Variants in EDIL3 observed in about 807,000 individuals in gnomAD.
The protein encoded by EDIL3 is EGF like and discoidin domains 3, also known as EGF-like repeat and discoidin I-like domain-containing protein 3.
EDIL3 carries 37 observed loss-of-function variants against 67.4 expected under a neutral mutation model. The observed-to-expected ratio is 0.55, with a 90% CI of 0.42 to 0.72. The LOEUF is 0.72. Among genes scored for constraint, EDIL3 ranks in the 30% least tolerant of loss-of-function variants. The pLI is 0.00. For synonymous variants in EDIL3, 195 were observed against 196.3 expected, an observed-to-expected ratio of 0.99 and a Z score of 0.05; for missense variants, 527 against 586.3, an observed-to-expected ratio of 0.90 and a Z score of 1.04.
At chr5:84,132,751 G>T (rs1452731113) in intron 5 of EDIL3, among the ~76,000 whole-genome samples, 2 of 149,486 alleles carry the variant, frequency 1.3e-5, no homozygotes, top group African/African-American at 2.5e-5. Context: ...ATATTCATAG[G>T]TATTATTTTA....
At chr5:84,095,822 G>A (rs1183261535) in intron 6 of EDIL3, among the ~76,000 whole-genome samples, 3 of 152,144 alleles carry the variant, frequency 2.0e-5, no homozygotes, top group African/African-American at 4.8e-5. Context: ...GACAATGGGG[G>A]AATTGTCTCC....
intron 6 of EDIL3, among the ~76,000 whole-genome samples, chr5:84,103,011 C>G (rs1048059990): frequency 1.3e-5 from 2 of 151,944 alleles, no homozygotes; most frequent in African/African-American, 4.8e-5. Context: ...GATACTGATA[C>G]AAAAACAGAC....
At chr5:84,227,066 A>C (rs945745105) in intron 3 of EDIL3, among the ~76,000 whole-genome samples, 2 of 152,006 alleles carry the variant, frequency 1.3e-5, no homozygotes, top group African/African-American at 2.4e-5. Context: ...TGACTTAGTA[A>C]GGTGTGGGCA....
intron 5 of EDIL3, among the ~76,000 whole-genome samples, chr5:84,124,424 C>G (rs72776515): frequency 0.017 from 2,585 of 151,908 alleles, 34 homozygotes; most frequent in Non-Finnish European, 0.026. Flanking sequence ...CTTTTGTAAT[C>G]AGAAAACATG....
intron 9 of EDIL3, among the ~76,000 whole-genome samples, chr5:83,985,635 T>C (rs1341690238): frequency 6.6e-6 from 1 of 152,072 alleles, no homozygotes; most frequent in Non-Finnish European, 1.5e-5. Context: ...AACTTACCTT[T>C]GTAAAATAAG....
intron 6 of EDIL3, among the ~76,000 whole-genome samples, chr5:84,097,357 A>G (rs1477710266): frequency 6.6e-6 from 1 of 152,206 alleles, no homozygotes; most frequent in Non-Finnish European, 1.5e-5. Context: ...TATCATACAC[A>G]TCAAATATAT....
chr5:84,230,036 A>G, intron 2 of EDIL3, 152 bp from the exon 3 acceptor site: 2 of 637,372 alleles, frequency 3.1e-6, no homozygotes, highest in Non-Finnish European at 5.2e-6. Context: ...CTGACTTGTA[A>G]TTTTGTGTAT....
rs545084984 is a variant in EDIL3 at position 83,973,277 on chromosome 5, T to C, written c.1138-9917A>G. Among the ~76,000 whole-genome samples, 21 of 152,204 alleles carry C rather than the reference T, an allele frequency of 1.4e-4. No homozygotes were observed. In the South Asian group the frequency reaches 4.1e-3, roughly 30 times the overall value. ...ATTGATAGGGTCATTATTAATTGAT[T>C]AATGGAGATTTAATACAAGTTTTTG... On this transcript the variant is annotated intron_variant, in intron 9 of 10. Transcript: ENST00000296591.
intron 1 of EDIL3, among the ~76,000 whole-genome samples, chr5:84,326,943 T>TCC (rs764293421): frequency 3.2e-4 from 49 of 152,052 alleles, no homozygotes; most frequent in Non-Finnish European, 6.3e-4. Flanking sequence ...AGATGTACCC[T>TCC]CCTCTACTGC....
chr5:84,082,737 T>C (rs1292667230), intron 6 of EDIL3, among the ~76,000 whole-genome samples: 1 of 152,240 alleles, frequency 6.6e-6, no homozygotes, highest in Non-Finnish European at 1.5e-5. Flanking sequence ...ATTATGGTTT[T>C]TCTTGAGAAT....
chr5:84,111,406 C>G (rs1747562514), intron 5 of EDIL3, among the ~76,000 whole-genome samples: 3 of 152,102 alleles, frequency 2.0e-5, no homozygotes, highest in African/African-American at 7.2e-5. Flanking sequence ...TACGGATAGG[C>G]AAATTCTGTT....
chr5:84,337,037 A>C (rs1382246254), intron 1 of EDIL3, among the ~76,000 whole-genome samples: 1 of 152,168 alleles, frequency 6.6e-6, no homozygotes, highest in Non-Finnish European at 1.5e-5. Flanking sequence ...ACTGCACAAG[A>C]GTACACCAGG....
chr5:84,250,653 T>C (rs1312164364), intron 2 of EDIL3, among the ~76,000 whole-genome samples: 2 of 152,196 alleles, frequency 1.3e-5, no homozygotes, highest in South Asian at 2.1e-4. Context: ...TCTCTAAGCA[T>C]GCATTTGAAA....
At position 84,319,494 on chromosome 5, in the gene EDIL3, CAAAAAAAAAAA is replaced by C. The variant is rs55738450; in HGVS notation, c.67+64803_67+64813del. ...AAAAAAAACAAAAAACAAAAAACAA[CAAAAAAAAAAA>C]AAAAAAAAAAAAAAAAAAGAAATAG... On this transcript the variant is annotated intron_variant, in intron 1 of 10. Coordinates refer to ENST00000296591, the MANE Select transcript of EDIL3 (RefSeq NM_005711.5). 2.1e-4 allele frequency among the ~76,000 whole-genome samples: 9 copies of C among 42,838 alleles called. No homozygotes were observed. In the South Asian group the frequency reaches 4.1e-3, roughly 19 times the overall value. 28.1% of individuals were successfully genotyped at this position (42,838 alleles called of 152,430 possible). A position where few individuals can be genotyped will look rare whatever the true frequency, so the allele number is the denominator to read the frequency against.
intron 9 of EDIL3, among the ~76,000 whole-genome samples, chr5:84,017,457 AG>A (rs1482353211): frequency 1.3e-5 from 2 of 152,222 alleles, no homozygotes; most frequent in Non-Finnish European, 2.9e-5. Context: ...TGAATTTAAA[AG>A]TATCTTTCAT....
intron 6 of EDIL3, among the ~76,000 whole-genome samples, chr5:84,074,448 AT>A (rs1209349484): frequency 1.3e-5 from 2 of 152,226 alleles, no homozygotes; most frequent in Admixed American, 6.5e-5. Flanking sequence ...CAACCTACTC[AT>A]CTGACAAAGG....
At chr5:84,073,973 C>T (rs1746799742) in intron 6 of EDIL3, among the ~76,000 whole-genome samples, 1 of 151,476 alleles carries the variant, frequency 6.6e-6, no homozygotes, top group Admixed American at 6.6e-5. Context: ...GTAACCAAAA[C>T]AGCATGGTAC....
intron 9 of EDIL3, among the ~76,000 whole-genome samples, chr5:84,030,084 C>T (rs1362166291): frequency 1.3e-5 from 2 of 152,090 alleles, no homozygotes; most frequent in Non-Finnish European, 1.5e-5. Context: ...AACATCAGGA[C>T]TTACTCGGAT....
chr5:84,239,180 G>T (rs1472481856), intron 2 of EDIL3, among the ~76,000 whole-genome samples: 1 of 152,056 alleles, frequency 6.6e-6, no homozygotes, highest in East Asian at 1.9e-4. Context: ...TCTTAACTGA[G>T]ATAAATATCC....
Sources: gnomAD v4.1 joint callset for allele counts (sites outside exome capture counted in the v4.1 genomes callset) on GRCh38, gnomAD v4.1.1 for gene constraint, MANE v1.5 for transcripts, NCBI Gene and HGNC (gene_info 2026-07-23, HGNC 2026-07-21) for gene names.